The following DZANK1 variants were observed in gnomAD, a reference collection of about 807,000 sequenced individuals.
The protein encoded by DZANK1 is double zinc ribbon and ankyrin repeat-containing protein 1.
In DZANK1, 91 loss-of-function variants were observed where a neutral mutation model predicts 94.5. That is an observed-to-expected ratio of 0.96 (90% CI 0.81 to 1.15). The LOEUF is 1.15. Among genes scored for constraint, DZANK1 ranks in the 50% most tolerant of loss-of-function variants. DZANK1 has a pLI of 0.00. For synonymous variants in DZANK1, 312 were observed against 325.3 expected (o/e 0.96, Z 0.44); for missense variants, 903 against 916.4 (o/e 0.99, Z 0.19).
intron 20 of DZANK1, 119 bp downstream of exon 20, chr20:18,384,897 G>A: frequency 1.0e-6 from 1 of 961,660 alleles, no homozygotes; most frequent in Non-Finnish European, 1.6e-6. Context: ...TGGTGGGATG[G>A]TGGTCCCCAT....
chr20:18,439,775 T>C (rs2058662793), intron 8 of DZANK1, among the ~76,000 whole-genome samples: 1 of 152,116 alleles, frequency 6.6e-6, no homozygotes, highest in East Asian at 1.9e-4. Context: ...TTGTGAAACA[T>C]AGGTAAGAGT....
At chr20:18,397,813 T>C (rs956885835) in intron 14 of DZANK1, among the ~76,000 whole-genome samples, 2 of 152,160 alleles carry the variant, frequency 1.3e-5, no homozygotes, top group Admixed American at 1.3e-4. Context: ...CGCACCTACA[T>C]GCGGCCACTC....
At chr20:18,413,102 T>C (rs2057334349) in intron 12 of DZANK1, 1 of 552,834 alleles carries the variant, frequency 1.8e-6, no homozygotes. Context: ...GCCGGCCTGC[T>C]TGATGCCTGG....
chr20:18,394,278 G>GC lies in DZANK1; in HGVS notation c.1683dup (p.Leu562AlafsTer11), dbSNP rs1327514477. The GC allele has an allele frequency of 9.3e-6, 15 of 1,613,498 alleles. No homozygotes were observed. Among genetic ancestry groups the GC allele is most frequent in the African/African-American group, 2.7e-5 (2 of 74,896 alleles). On this transcript the variant is annotated frameshift_variant, in exon 16 of 21. Coordinates refer to ENST00000262547, the Ensembl canonical transcript of DZANK1. LOFTEE classifies it high-confidence loss of function. ...CCCCAGCTGGACCTGCTGCCGCACA[G>GC]CCCCCCATCACCCTCGGCAGCACTG...
At chr20:18,397,804 G>A (rs972712132) in intron 14 of DZANK1, among the ~76,000 whole-genome samples, 27 of 152,134 alleles carry the variant, frequency 1.8e-4, no homozygotes, top group Admixed American at 1.5e-3. Context: ...TTCAGCTGGC[G>A]CACCTACATG....
chr20:18,413,168 A>C, intron 12 of DZANK1: 3 of 344,394 alleles, frequency 8.7e-6, no homozygotes, highest in Non-Finnish European at 1.1e-5. Flanking sequence ...TTCACTACTA[A>C]TCCACACTCA....
chr20:18,447,440 G>T (rs572886618), intron 7 of DZANK1, among the ~76,000 whole-genome samples: 23 of 152,264 alleles, frequency 1.5e-4, no homozygotes, highest in East Asian at 7.7e-4. Context: ...TCCTGCCTCA[G>T]CTGGAGATCC....
chr20:18,418,988 G>A lies in DZANK1; in HGVS notation c.955-3539C>T, dbSNP rs77287721. Among the ~76,000 whole-genome samples the A allele has an allele frequency of 7.7e-3, 1,177 of 152,254 alleles. 15 individuals are homozygous for A. Among genetic ancestry groups the A allele is most frequent in the African/African-American group, 0.027 (1,109 of 41,560 alleles). On this transcript the variant is annotated intron_variant, in intron 10 of 20. Transcript: ENST00000262547. ...TTTTTAAAAAATGAACAGGACTGGCGCGGTGGCTCATGCCTGTAATCTCAG... is the reference window on the plus strand; with the variant it reads ...TTTTTAAAAAATGAACAGGACTGGCACGGTGGCTCATGCCTGTAATCTCAG...
intron 10 of DZANK1, among the ~76,000 whole-genome samples, chr20:18,426,152 T>A (rs1362390919): frequency 6.6e-6 from 1 of 152,202 alleles, no homozygotes; most frequent in African/African-American, 2.4e-5. Context: ...CCGCCTCCTA[T>A]CAGATCAGCG....
intron 13 of DZANK1, among the ~76,000 whole-genome samples, chr20:18,400,446 T>A (rs1431395786): frequency 6.6e-6 from 1 of 152,162 alleles, no homozygotes; most frequent in Admixed American, 6.6e-5. Flanking sequence ...TAGTGTCAAC[T>A]CCCAGTGCTT....
chr20:18,437,180 G>A (rs2058555516), intron 8 of DZANK1, among the ~76,000 whole-genome samples: 1 of 152,140 alleles, frequency 6.6e-6, no homozygotes, highest in Non-Finnish European at 1.5e-5. Flanking sequence ...ACATAAGATT[G>A]TATAACACCG....
At chr20:18,400,491 T>C (rs897708286) in intron 13 of DZANK1, among the ~76,000 whole-genome samples, 4 of 152,164 alleles carry the variant, frequency 2.6e-5, no homozygotes, top group African/African-American at 9.7e-5. Flanking sequence ...GGCAGCCTTC[T>C]CCTGCTCTGA....
At chr20:18,423,816 G>C (rs2057906037) in intron 10 of DZANK1, among the ~76,000 whole-genome samples, 1 of 152,088 alleles carries the variant, frequency 6.6e-6, no homozygotes, top group Non-Finnish European at 1.5e-5. Flanking sequence ...GAAATTTATA[G>C]TTTGTGTTAG....
intron 19 of DZANK1, among the ~76,000 whole-genome samples, chr20:18,385,700 A>C (rs561502731): frequency 2.0e-5 from 3 of 152,024 alleles, no homozygotes; most frequent in Non-Finnish European, 4.4e-5. Context: ...ACACAGTCTT[A>C]ACTTTGGCTT....
intron 3 of DZANK1, among the ~76,000 whole-genome samples, chr20:18,459,210 G>A (rs533127410): frequency 6.6e-6 from 1 of 152,304 alleles, no homozygotes; most frequent in Non-Finnish European, 1.5e-5. Context: ...AAGTGGCCTG[G>A]CAAGTGTGAC....
intron 13 of DZANK1, among the ~76,000 whole-genome samples, chr20:18,409,271 G>A (rs954317356): frequency 1.2e-4 from 18 of 152,100 alleles, no homozygotes; most frequent in Non-Finnish European, 2.5e-4. Flanking sequence ...GAAAGAATAT[G>A]ACAAGAAGAG....
chr20:18,442,994 A>G (rs887866117), intron 8 of DZANK1, among the ~76,000 whole-genome samples: 1 of 152,244 alleles, frequency 6.6e-6, no homozygotes, highest in Admixed American at 6.5e-5. Context: ...TAGAGACATA[A>G]AGTAATTGGT....
exon 13 of DZANK1, chr20:18,412,806 A>T (rs769211912): frequency 3.1e-6 from 5 of 1,613,884 alleles, no homozygotes; most frequent in Admixed American, 1.7e-5. Flanking sequence ...TAGTCCCAAC[A>T]TCAGATCTGG....
At chr20:18,448,012 A>C (rs2058946894) in intron 7 of DZANK1, among the ~76,000 whole-genome samples, 1 of 152,192 alleles carries the variant, frequency 6.6e-6, no homozygotes. Flanking sequence ...GTTAATTTTT[A>C]TCAATTTATT....
Sources: allele counts gnomAD v4.1 joint callset (sites outside exome capture counted in the v4.1 genomes callset), GRCh38; gene constraint gnomAD v4.1.1; transcripts MANE v1.5; gene names NCBI Gene and HGNC (gene_info 2026-07-23, HGNC 2026-07-21).